Variants in PLEKHM2 observed in about 807,000 individuals in gnomAD.
PLEKHM2 encodes pleckstrin homology domain-containing family M member 2.
PLEKHM2 carries 77 observed loss-of-function variants against 116.3 expected under a neutral mutation model. The ratio of observed to expected loss-of-function variants is 0.66; its 90% CI spans 0.55 to 0.80. The LOEUF (loss-of-function observed/expected upper bound fraction) is 0.80, where lower values mean the gene tolerates loss of function less well. Among genes scored for constraint, PLEKHM2 ranks in the 30% least tolerant of loss-of-function variants. PLEKHM2 has a pLI of 0.00. For missense variants in PLEKHM2, 1,183 were observed against 1,354.9 expected, an observed-to-expected ratio of 0.87 and a Z score of 1.99; for synonymous variants, 562 against 571.0, an observed-to-expected ratio of 0.98 and a Z score of 0.22.
chr1:15,729,023 C>CCT lies in PLEKHM2; in HGVS notation c.1987-79_1987-78insCT, dbSNP rs2068104102. ...GGTGTGCTTCTTCCTCCCCAGCAAG[C>CCT]GCTCAGCCTGGCCAAGCTGCCTTCT... is the stretch of plus-strand genomic sequence containing the variant. On this transcript the variant is annotated intron_variant, in intron 12 of 19. Transcript: ENST00000375799. This position sits in a 1 kb window ranked among gnomAD's most constrained non-coding sequence, Gnocchi z 4.7. 3 of 1,324,634 alleles carry CCT rather than the reference C, an allele frequency of 2.3e-6. No individual in the cohort carries two copies. In the African/African-American group the frequency reaches 4.4e-5, roughly 19 times the overall value. The allele number at this position is 1,324,634 out of a possible 1,614,324, so 82.1% of individuals were successfully genotyped here.
chr1:15,709,951 C>T (rs1233412489), intron 1 of PLEKHM2, among the ~76,000 whole-genome samples: 1 of 152,048 alleles, frequency 6.6e-6, no homozygotes, highest in Non-Finnish European at 1.5e-5. Flanking sequence ...ACAAGCCGGG[C>T]GCGGTGGCTC....
intron 19 of PLEKHM2, among the ~76,000 whole-genome samples, chr1:15,733,501 A>G (rs900475765): frequency 9.9e-5 from 15 of 152,262 alleles, no homozygotes; most frequent in Non-Finnish European, 1.8e-4. Flanking sequence ...AGAACAGCTC[A>G]GGACAGACAC....
intron 1 of PLEKHM2, among the ~76,000 whole-genome samples, chr1:15,686,648 A>ATTTTTTTTTTTTTTT (rs1233033159): frequency 7.4e-6 from 1 of 134,232 alleles, no homozygotes; most frequent in African/African-American, 3.0e-5. Context: ...ACCCGGCTAA[A>ATTTTTTTTTTTTTTT]TTTTTTTTTT....
Position 15,716,302 on chromosome 1 carries a change from A to G in PLEKHM2, c.126A>G (p.Leu42=), listed in dbSNP as rs201343557. The G allele has an allele frequency of 3.7e-6, 6 of 1,607,534 alleles. No individual in the cohort carries two copies. Among genetic ancestry groups the G allele is most frequent in the East Asian group, 4.5e-5 (2 of 44,762 alleles). ...IPAIRNHDKV[L]QRLCEHLDHA... is the part of the protein sequence containing the mutation. ...CCATCCGGAACCATGACAAGGTCCTACAGCGTCTGTGTGAGCACCTGGACC... is the reference window on the plus strand; with the variant it reads ...CCATCCGGAACCATGACAAGGTCCTGCAGCGTCTGTGTGAGCACCTGGACC... Residue 42 remains leucine, a synonymous_variant, in exon 2 of 20, where the codon CTA becomes CTG. Transcript: ENST00000375799.
At chr1:15,690,130 G>A (rs1050893854) in intron 1 of PLEKHM2, among the ~76,000 whole-genome samples, 2 of 151,298 alleles carry the variant, frequency 1.3e-5, no homozygotes, top group Non-Finnish European at 2.9e-5. Flanking sequence ...GCAGTGGCAT[G>A]ATCTTGGTTC....
At position 15,732,508 on chromosome 1, in the gene PLEKHM2, G is replaced by A. The variant is rs780612376; in HGVS notation, c.2784G>A (p.Pro928=). ...ACATCAGCGCCGTCTCCACCGAGCC[G>A]GGCAAGGAGTACTGCGTCTTGGTGA... ...LGDISAVSTE[P]GKEYCVLEFS... The change falls in exon 18 of 20, where the codon CCG becomes CCA. Residue 928 remains proline, a synonymous_variant. Transcript: ENST00000375799. The A allele has an allele frequency of 2.7e-5, 43 of 1,609,516 alleles. No individual in the cohort carries two copies. The highest frequency in any genetic ancestry group is 4.5e-5 in the East Asian group (2 of 44,764).
In PLEKHM2 at chr1:15,729,215, G is replaced by T; in HGVS notation, c.2075+25G>T. ...AGTGAGTGGCAACCCCGCCCCTCTG[G>T]AAGGATTGGAGAGTTCGCAGCCGCC... On this transcript the variant is annotated intron_variant, in intron 13 of 19. Transcript: ENST00000375799. The surrounding 1 kb of genome is among the most constrained non-coding windows in gnomAD (Gnocchi z 4.7). 3 of 1,592,740 alleles carry T rather than the reference G, an allele frequency of 1.9e-6. No individual in the cohort carries two copies. Among genetic ancestry groups the T allele is most frequent in the Non-Finnish European group, 2.6e-6 (3 of 1,167,830 alleles).
At chr1:15,703,172 G>A (rs1318856047) in intron 1 of PLEKHM2, among the ~76,000 whole-genome samples, 2 of 152,184 alleles carry the variant, frequency 1.3e-5, no homozygotes, top group African/African-American at 4.8e-5. Context: ...CCTTCTCCCT[G>A]GGCATCACAG....
intron 17 of PLEKHM2, 43 bp from the exon 18 acceptor site, chr1:15,732,307 G>A: frequency 6.7e-7 from 1 of 1,494,276 alleles, no homozygotes; most frequent in Non-Finnish European, 9.1e-7. Flanking sequence ...GTGCAGACCA[G>A]CCCTGGAGGC....
intron 1 of PLEKHM2, among the ~76,000 whole-genome samples, chr1:15,704,739 C>G (rs1342549687): frequency 6.6e-6 from 1 of 152,316 alleles, no homozygotes; most frequent in East Asian, 1.9e-4. Context: ...CTCATGGTCC[C>G]AGCACCTCCC....
At chr1:15,716,379 CA>C (rs759820774) in intron 2 of PLEKHM2, 36 bp downstream of exon 2, 1 of 1,310,762 alleles carries the variant, frequency 7.6e-7, no homozygotes, top group Non-Finnish European at 1.1e-6. Context: ...TGACGGAGCA[CA>C]ACCCAGGCCA....
upstream of PLEKHM2, among the ~76,000 whole-genome samples, chr1:15,682,359 G>A (rs1640663263): frequency 1.3e-5 from 2 of 151,750 alleles, no homozygotes; most frequent in Non-Finnish European, 1.5e-5. Flanking sequence ...GCTGAGACAG[G>A]AGAATCACTT....
chr1:15,728,815 G>T lies in PLEKHM2; in HGVS notation c.1986+82G>T. 7.7e-7 allele frequency: 1 copy of T among 1,291,740 alleles called. No homozygotes were observed. The highest frequency in any genetic ancestry group is 1.1e-6 in the Non-Finnish European group (1 of 910,982). 80.0% of individuals were successfully genotyped at this position (1,291,740 alleles called of 1,614,324 possible). On this transcript the variant is annotated intron_variant, in intron 12 of 19. Transcript: ENST00000375799. The surrounding 1 kb of genome is among the most constrained non-coding windows in gnomAD (Gnocchi z 5.9). The stretch of plus-strand genomic sequence containing the variant: ...CTTACCCATAGAACTGCAGGGCGAG[G>T]CACGGCCCCTTACTCCCCTCCCGGG...
At position 15,727,611 on chromosome 1, in the gene PLEKHM2, G is replaced by T. The variant is rs768469775; in HGVS notation, c.1539G>T (p.Thr513=). 1.9e-6 allele frequency: 3 copies of T among 1,585,400 alleles called. No homozygotes were observed. The highest frequency in any genetic ancestry group is 1.3e-5 in the African/African-American group (1 of 74,184). The change falls in exon 9 of 20, where the codon ACG becomes ACT. Residue 513 remains threonine (T), a synonymous_variant. Coordinates refer to ENST00000375799, the MANE Select transcript of PLEKHM2 (RefSeq NM_015164.4). This position sits in a 1 kb window ranked among gnomAD's most constrained non-coding sequence, Gnocchi z 7.5. ...EEEGGGGEGQ[T]PRPLEDTTRE... Reference sequence around the variant, plus strand: ...AGGGAGGAGGAGGAGAGGGACAGACGCCTCGGCCCCTAGAGGATACCACGA... The same window carrying T: ...AGGGAGGAGGAGGAGAGGGACAGACTCCTCGGCCCCTAGAGGATACCACGA...
intron 19 of PLEKHM2, among the ~76,000 whole-genome samples, chr1:15,733,312 G>A (rs1204058303): frequency 6.6e-6 from 1 of 152,268 alleles, no homozygotes; most frequent in East Asian, 1.9e-4. Context: ...CAAACAGCAC[G>A]AATTGTGGTG....
intron 19 of PLEKHM2, 47 bp from the exon 20 acceptor site, chr1:15,733,750 T>TGTGGCCCTCA: frequency 6.3e-7 from 1 of 1,596,870 alleles, no homozygotes; most frequent in Non-Finnish European, 8.5e-7. Context: ...TGAAGACTCC[T>TGTGGCCCTCA]GTGGCCCTCA....
In PLEKHM2 at chr1:15,728,497, C is replaced by T; in HGVS notation, c.1921+140C>T. The T allele has an allele frequency of 4.0e-6, 4 of 992,210 alleles. No homozygotes were observed. The highest frequency in any genetic ancestry group is 6.0e-6 in the Non-Finnish European group (4 of 663,452). 61.5% of individuals were successfully genotyped at this position (992,210 alleles called of 1,614,324 possible). A position where few individuals can be genotyped will look rare whatever the true frequency, so the allele number is the denominator to read the frequency against. On this transcript the variant is annotated intron_variant, in intron 11 of 19. Coordinates refer to ENST00000375799, the MANE Select transcript of PLEKHM2 (RefSeq NM_015164.4). This position sits in a 1 kb window ranked among gnomAD's most constrained non-coding sequence, Gnocchi z 5.9. The stretch of plus-strand genomic sequence containing the variant: ...AAAGGCACCCCAAGGAAGGTGTTGC[C>T]AGCAGCCCTGAGACGTGAGCCTGGG...
chr1:15,733,678 T>TG, intron 19 of PLEKHM2, 119 bp from the exon 20 acceptor site: 2 of 1,051,180 alleles, frequency 1.9e-6, no homozygotes, highest in South Asian at 3.1e-5. Flanking sequence ...CAGGGAGAGA[T>TG]GGGGAGGGCC....
chr1:15,730,041 C>CCAGG, intron 14 of PLEKHM2, 112 bp downstream of exon 14: 1 of 462,500 alleles, frequency 2.2e-6, no homozygotes, highest in Non-Finnish European at 3.5e-6. Context: ...TCACAATCGC[C>CCAGG]TACCTGGGCG....
Sources: gnomAD v4.1 joint callset for allele counts (sites outside exome capture counted in the v4.1 genomes callset) on GRCh38, gnomAD v4.1.1 for gene constraint, Gnocchi (gnomAD v3.1) non-coding constraint, MANE v1.5 for transcripts, NCBI Gene and HGNC (gene_info 2026-07-23, HGNC 2026-07-21) for gene names.